The following RBMS2 variants were observed in gnomAD, a reference collection of about 807,000 sequenced individuals.
The protein encoded by RBMS2 is RNA binding motif single stranded interacting protein 2, also known as RNA-binding motif, single-stranded-interacting protein 2.
RBMS2 carries 38 observed loss-of-function variants against 58.4 expected under a neutral mutation model. That is an observed-to-expected ratio of 0.65 (90% CI 0.50 to 0.85). RBMS2 has a LOEUF of 0.85. RBMS2 is among the 40% of genes least tolerant of loss of function. The pLI is 0.00. For missense variants in RBMS2, 367 were observed against 503.7 expected (o/e 0.73, Z 2.60); for synonymous variants, 151 against 180.7 (o/e 0.84, Z 1.32).
chr12:56,543,728 CTT>C (rs1366248920), intron 1 of RBMS2, among the ~76,000 whole-genome samples: 1 of 151,408 alleles, frequency 6.6e-6, no homozygotes, highest in Non-Finnish European at 1.5e-5. Context: ...GTGGTGCAAT[CTT>C]GATCTCAGCT....
chr12:56,535,494 C>CAAAA (rs59905092), intron 1 of RBMS2, among the ~76,000 whole-genome samples: 5 of 97,686 alleles, frequency 5.1e-5, no homozygotes, highest in African/African-American at 1.3e-4. Context: ...GACTCCATCT[C>CAAAA]AAAAAAAAAA....
chr12:56,586,801 G>T, intron 9 of RBMS2, 48 bp from the exon 10 acceptor site: 1 of 1,481,382 alleles, frequency 6.8e-7, no homozygotes, highest in South Asian at 1.1e-5. Flanking sequence ...TCTGTGGGCT[G>T]AATAATAGTT....
At position 56,587,554 on chromosome 12, in the gene RBMS2, G is replaced by T. The variant is rs1159728872; in HGVS notation, c.952G>T (p.Gly318Cys). 1.9e-6 allele frequency: 3 copies of T among 1,613,150 alleles called. No individual in the cohort carries two copies. The highest frequency in any genetic ancestry group is 2.5e-6 in the Non-Finnish European group (3 of 1,179,536). Residue 318 changes from glycine (G) to cysteine (C), a missense_variant and splice_region_variant, in exon 11 of 14, where the codon GGT becomes TGT. Around this residue, in one of 3 missense-constraint regions of RBMS2, gnomAD observed 220 missense variants for 261.1 expected, o/e 0.84. Transcript: ENST00000262031. ...CCCTGTCCTTTGTTGCTGCCTCTAG[G>T]GTTCAGTTCTGACACCAGGGATGGA... Reference protein sequence around the residue: ...HHHSYLMQPSGSVLTPGMDHP... With the variant: ...HHHSYLMQPSCSVLTPGMDHP...
At chr12:56,577,593 G>A (rs376659504) in intron 5 of RBMS2, among the ~76,000 whole-genome samples, 5 of 151,642 alleles carry the variant, frequency 3.3e-5, no homozygotes, top group South Asian at 4.2e-4. Flanking sequence ...TTACACCTCC[G>A]CTTCCTGAGT....
At chr12:56,559,429 C>A (rs1879939551) in intron 1 of RBMS2, among the ~76,000 whole-genome samples, 1 of 150,974 alleles carries the variant, frequency 6.6e-6, no homozygotes, top group Non-Finnish European at 1.5e-5. Context: ...CTCGTGATCT[C>A]CCCACCTCGG....
rs1206949979 is a variant in RBMS2, at chr12:56,589,167, GA to G, written c.*37del. The G allele has an allele frequency of 3.2e-6, 5 of 1,541,848 alleles. No individual in the cohort carries two copies. Among genetic ancestry groups the G allele is most frequent in the Non-Finnish European group, 4.4e-6 (5 of 1,141,732 alleles). Reference sequence around the variant, plus strand: ...TTCCCCTCCCCATCTTTACTGAATAGAAATGAATTCTTGGAGATACTCATGC... The same window carrying G: ...TTCCCCTCCCCATCTTTACTGAATAGAATGAATTCTTGGAGATACTCATGC... On this transcript the variant is annotated 3_prime_UTR_variant, in exon 14 of 14. Transcript: ENST00000262031.
chr12:56,572,198 A>G (rs546383833), intron 5 of RBMS2, among the ~76,000 whole-genome samples: 1,905 of 148,396 alleles, frequency 0.013, 24 homozygotes, highest in Non-Finnish European at 0.017. Context: ...CTGAGGCAGG[A>G]GAATTGCTTG....
chr12:56,573,390 T>C (rs1259878775), intron 5 of RBMS2, among the ~76,000 whole-genome samples: 3 of 135,302 alleles, frequency 2.2e-5, no homozygotes, highest in Non-Finnish European at 3.0e-5. Context: ...GGCAGGAGAA[T>C]CACTTGAACC....
At chr12:56,588,246 T>C (rs777138500) in intron 11 of RBMS2, 48 bp from the exon 12 acceptor site, 1 of 1,495,604 alleles carries the variant, frequency 6.7e-7, no homozygotes, top group Non-Finnish European at 9.3e-7. Context: ...CTGCTTCAAA[T>C]GTAGCCAAAA....
Position 56,559,710 on chromosome 12 carries a change from G to A in RBMS2, c.67-2707G>A, listed in dbSNP as rs191021445. The stretch of plus-strand genomic sequence containing the variant: ...ACTAAAAATACAAAAAATTAGCCAG[G>A]CGTGGTGGCGGGCGCCTGTAGTCCC... On this transcript the variant is annotated intron_variant, in intron 1 of 13. Transcript: ENST00000262031. 3.7e-3 allele frequency among the ~76,000 whole-genome samples: 563 copies of A among 150,140 alleles called. 5 individuals are homozygous for A. The highest frequency in any genetic ancestry group is 0.013 in the African/African-American group (545 of 41,052).
At position 56,593,897 on chromosome 12, in the gene RBMS2, G is replaced by A. The variant is rs1215284664; in HGVS notation, c.*4764G>A. 1 of 152,310 alleles carries A rather than the reference G, an allele frequency of 6.6e-6. No homozygotes were observed. The highest frequency in any genetic ancestry group is 1.5e-5 in the Non-Finnish European group (1 of 68,100). The allele number at this position is 152,310 out of a possible 1,614,324, so 9.4% of individuals were successfully genotyped here. On this transcript the variant is annotated 3_prime_UTR_variant, in exon 14 of 14. Transcript: ENST00000262031. ...TTTGTAGAGTTGCCCAGGCCAGGAAGCCTGGTGGCTCTAAAGGGTAATAGA... is the reference window on the plus strand; with the variant it reads ...TTTGTAGAGTTGCCCAGGCCAGGAAACCTGGTGGCTCTAAAGGGTAATAGA...
chr12:56,585,334 A>C (rs552716892), intron 9 of RBMS2, among the ~76,000 whole-genome samples: 21 of 152,366 alleles, frequency 1.4e-4, no homozygotes, highest in Non-Finnish European at 2.6e-4. Flanking sequence ...TGGATTATTT[A>C]ATCCAATATT....
chr12:56,522,392 T>A (rs149370059), intron 1 of RBMS2, among the ~76,000 whole-genome samples: 1 of 152,130 alleles, frequency 6.6e-6, no homozygotes, highest in South Asian at 2.1e-4. Flanking sequence ...GATGTATCAA[T>A]CTCCACAAGG....
chr12:56,537,791 A>G (rs1168767300), intron 1 of RBMS2, among the ~76,000 whole-genome samples: 1 of 151,050 alleles, frequency 6.6e-6, no homozygotes, highest in Non-Finnish European at 1.5e-5. Flanking sequence ...CCTGTTTTCA[A>G]CACTGCACAA....
At chr12:56,573,500 A>AG (rs1176465132) in intron 5 of RBMS2, among the ~76,000 whole-genome samples, 4 of 144,842 alleles carry the variant, frequency 2.8e-5, no homozygotes, top group African/African-American at 1.0e-4. Flanking sequence ...AAAAAAAAAA[A>AG]AAGAAGAAGA....
intron 1 of RBMS2, among the ~76,000 whole-genome samples, chr12:56,546,430 T>C (rs1877254760): frequency 6.9e-6 from 1 of 145,250 alleles, no homozygotes; most frequent in African/African-American, 2.6e-5. Context: ...AAATATAATG[T>C]ATAATATAAT....
intron 5 of RBMS2, chr12:56,572,790 A>G: frequency 1.0e-6 from 1 of 985,254 alleles, no homozygotes; most frequent in Non-Finnish European, 1.2e-6. Flanking sequence ...TCCTTTTCAG[A>G]TCTGTTGGGA....
chr12:56,564,324 C>T (rs1440347903), intron 2 of RBMS2, among the ~76,000 whole-genome samples: 1 of 152,102 alleles, frequency 6.6e-6, no homozygotes, highest in Admixed American at 6.6e-5. Flanking sequence ...AGGACCTCCT[C>T]TGTCCCCCTG....
chr12:56,586,515 T>C lies in RBMS2; in HGVS notation c.874-334T>C, dbSNP rs1261568913. On this transcript the variant is annotated intron_variant, in intron 9 of 13. Transcript: ENST00000262031. ...CATTTGAACCTCTTTCATGTACTCA[T>C]TGGCTATTTGTATATCTTCTTAGAG... Among the ~76,000 whole-genome samples the C allele has an allele frequency of 2.0e-5, 3 of 152,250 alleles. No individual in the cohort carries two copies. In the East Asian group the frequency reaches 5.8e-4, roughly 29 times the overall value.
Sources: gnomAD v4.1 joint callset for allele counts (sites outside exome capture counted in the v4.1 genomes callset) on GRCh38, gnomAD v4.1.1 for gene constraint, gnomAD v4.1.1 regional missense constraint, MANE v1.5 for transcripts, NCBI Gene and HGNC (gene_info 2026-07-23, HGNC 2026-07-21) for gene names.